The following ATG5 variants were observed in gnomAD, a reference collection of about 807,000 sequenced individuals.
The protein encoded by ATG5 is autophagy related 5.
ATG5 carries 14 observed loss-of-function variants against 36.5 expected under a neutral mutation model. The ratio of observed to expected loss-of-function variants is 0.38; its 90% CI spans 0.25 to 0.60. The LOEUF is 0.60. Among genes scored for constraint, ATG5 ranks in the 20% least tolerant of loss-of-function variants. ATG5 has a pLI of 0.60. For synonymous variants in ATG5, 95 were observed against 101.5 expected, an observed-to-expected ratio of 0.94 and a Z score of 0.38; for missense variants, 195 against 326.7, an observed-to-expected ratio of 0.60 and a Z score of 3.11.
At chr6:106,279,930 T>C in intron 4 of ATG5, 107 bp from the exon 5 acceptor site, 1 of 744,742 alleles carries the variant, frequency 1.3e-6, no homozygotes, top group Non-Finnish European at 1.9e-6. Context: ...TAGTAAACTA[T>C]CTCTTAGCAC....
chr6:106,321,218 G>C (rs1771051190), intron 1 of ATG5, among the ~76,000 whole-genome samples: 1 of 152,156 alleles, frequency 6.6e-6, no homozygotes. Context: ...TCACAGGGCT[G>C]TTAGGTGTTT....
chr6:106,233,118 T>C (rs641713), intron 6 of ATG5, among the ~76,000 whole-genome samples: 150,303 of 152,320 alleles, frequency 0.99, 74,159 homozygotes, highest in East Asian at 1. Flanking sequence ...TCTTAAATTT[T>C]CTCGCTACCT....
intron 5 of ATG5, among the ~76,000 whole-genome samples, chr6:106,256,604 G>A (rs1171000101): frequency 2.0e-5 from 3 of 152,140 alleles, no homozygotes; most frequent in Non-Finnish European, 4.4e-5. Context: ...AACCTAGAGA[G>A]TACAGATTAC....
intron 5 of ATG5, among the ~76,000 whole-genome samples, chr6:106,257,311 A>T (rs1033877296): frequency 6.6e-6 from 1 of 152,260 alleles, no homozygotes; most frequent in Non-Finnish European, 1.5e-5. Context: ...AAAAGTAAAT[A>T]GTAACATAGT....
chr6:106,259,577 T>C (rs1778931965), intron 5 of ATG5, among the ~76,000 whole-genome samples: 1 of 152,228 alleles, frequency 6.6e-6, no homozygotes, highest in South Asian at 2.1e-4. Flanking sequence ...GTTTTCCTTC[T>C]CTTCTCACTT....
At chr6:106,188,976 G>C (rs139810362) in intron 7 of ATG5, among the ~76,000 whole-genome samples, 1 of 152,170 alleles carries the variant, frequency 6.6e-6, no homozygotes, top group Non-Finnish European at 1.5e-5. Flanking sequence ...TAGGGCAGCA[G>C]AAACTTCAAA....
chr6:106,270,143 A>C (rs1261362270), intron 5 of ATG5, among the ~76,000 whole-genome samples: 2 of 152,252 alleles, frequency 1.3e-5, no homozygotes, highest in African/African-American at 4.8e-5. Context: ...CCTTCTCCAG[A>C]AGCTTAGCAA....
intron 5 of ATG5, among the ~76,000 whole-genome samples, chr6:106,252,447 T>C (rs908664157): frequency 6.6e-6 from 1 of 152,138 alleles, no homozygotes; most frequent in African/African-American, 2.4e-5. Flanking sequence ...ATATTGGTCT[T>C]GCAAATTTTA....
At chr6:106,258,087 C>A (rs1422658298) in intron 5 of ATG5, among the ~76,000 whole-genome samples, 1 of 152,122 alleles carries the variant, frequency 6.6e-6, no homozygotes, top group South Asian at 2.1e-4. Context: ...TCTGATGAAT[C>A]CTTTATTTTG....
intron 5 of ATG5, among the ~76,000 whole-genome samples, chr6:106,253,803 A>G (rs1468621409): frequency 1.3e-5 from 2 of 152,188 alleles, no homozygotes; most frequent in Non-Finnish European, 2.9e-5. Flanking sequence ...GGTTATTTTA[A>G]GTTATATACT....
At chr6:106,245,474 C>T (rs1205704367) in intron 6 of ATG5, among the ~76,000 whole-genome samples, 1 of 151,650 alleles carries the variant, frequency 6.6e-6, no homozygotes, top group African/African-American at 2.4e-5. Context: ...TCTAGTTCTT[C>T]CATTTTTCAT....
chr6:106,263,610 G>T (rs1269414121), intron 5 of ATG5, among the ~76,000 whole-genome samples: 1 of 152,164 alleles, frequency 6.6e-6, no homozygotes, highest in Non-Finnish European at 1.5e-5. Context: ...AGAGAGCTCT[G>T]GCTGGCATCA....
intron 1 of ATG5, among the ~76,000 whole-genome samples, chr6:106,316,666 G>A (rs1227747476): frequency 4.6e-5 from 7 of 151,940 alleles, no homozygotes; most frequent in Non-Finnish European, 7.4e-5. Context: ...CCCCTGCCCC[G>A]TCCAATATAT....
chr6:106,322,539 TTCC>T (rs1302985165), intron 1 of ATG5, among the ~76,000 whole-genome samples: 3 of 151,976 alleles, frequency 2.0e-5, no homozygotes, highest in African/African-American at 2.4e-5. Context: ...TGTTCACTTC[TTCC>T]TCCTCCTCCT....
chr6:106,302,320 G>C (rs1217804473), intron 3 of ATG5, among the ~76,000 whole-genome samples: 1 of 152,042 alleles, frequency 6.6e-6, no homozygotes, highest in Non-Finnish European at 1.5e-5. Flanking sequence ...GAAAGACCTG[G>C]AAAGAAGTGG....
chr6:106,269,400 G>GC (rs35009239), intron 5 of ATG5, among the ~76,000 whole-genome samples: 90,610 of 152,116 alleles, frequency 0.6, 28,039 homozygotes, highest in African/African-American at 0.77. Flanking sequence ...CCCGCGCCGT[G>GC]CCCCGCACTC....
intron 6 of ATG5, among the ~76,000 whole-genome samples, chr6:106,238,155 T>C (rs1240964247): frequency 1.3e-5 from 2 of 152,198 alleles, no homozygotes; most frequent in African/African-American, 2.4e-5. Flanking sequence ...ATACAAATCA[T>C]ATTTTTAAAA....
At chr6:106,195,925 G>C (rs1035243141) in intron 7 of ATG5, among the ~76,000 whole-genome samples, 2 of 150,454 alleles carry the variant, frequency 1.3e-5, no homozygotes, top group Admixed American at 1.3e-4. Flanking sequence ...TCTTTTAAAA[G>C]AACAGCTTCA....
intron 6 of ATG5, among the ~76,000 whole-genome samples, chr6:106,243,793 T>C (rs533018555): frequency 6.6e-6 from 1 of 151,594 alleles, no homozygotes; most frequent in African/African-American, 2.4e-5. Context: ...ATTGCACTAG[T>C]GCACTCCAGC....
Sources: allele counts gnomAD v4.1 joint callset (sites outside exome capture counted in the v4.1 genomes callset), GRCh38; gene constraint gnomAD v4.1.1; transcripts MANE v1.5; gene names NCBI Gene and HGNC (gene_info 2026-07-23, HGNC 2026-07-21).